SEC31B: variants seen among roughly 807,000 people sequenced by gnomAD.
The protein encoded by SEC31B is SEC31 homolog B, COPII component.
In SEC31B, 113 loss-of-function variants were observed where a neutral mutation model predicts 135.0. The ratio of observed to expected loss-of-function variants is 0.84; its 90% confidence interval spans 0.72 to 0.98. The LOEUF (loss-of-function observed/expected upper bound fraction) is 0.98, where lower values mean the gene tolerates loss of function less well. Among genes scored for constraint, SEC31B ranks in the 50% least tolerant of loss-of-function variants. SEC31B has a pLI of 0.00. For missense variants in SEC31B, 1,296 were observed against 1,421.1 expected, an observed-to-expected ratio of 0.91 and a Z score of 1.42; for synonymous variants, 508 against 549.4, an observed-to-expected ratio of 0.92 and a Z score of 1.05.
chr10:100,497,677 G>C lies in SEC31B; in HGVS notation c.1980C>G (p.Pro660=), dbSNP rs760589022. The stretch of plus-strand genomic sequence containing the variant: ...TGGGACCACACTTACCACAGAGCTC[G>C]GGAAATTTCTCTGTGCCTGAGTATG... The part of the protein sequence containing the change: ...LLTYSGTEKF[P]ELCDMLGTRM... Residue 660 remains proline (P), a synonymous_variant, in exon 16 of 26, where the codon CCC becomes CCG. Coordinates refer to ENST00000370345, the MANE Select transcript of SEC31B (RefSeq NM_015490.4). The C allele has an allele frequency of 6.2e-7, 1 of 1,614,034 alleles. No homozygotes were observed. Among genetic ancestry groups the C allele is most frequent in the Non-Finnish European group, 8.5e-7 (1 of 1,180,036 alleles).
chr10:100,487,749 A>G lies in SEC31B; in HGVS notation c.3407T>C (p.Val1136Ala), dbSNP rs1328731929. Residue 1136 changes from valine to alanine, a missense_variant, in exon 26 of 26, where the codon GTG becomes GCG. By Grantham distance (64) the Val-to-Ala change is moderately conservative (BLOSUM62 0). Coordinates refer to ENST00000370345, the MANE Select transcript of SEC31B (RefSeq NM_015490.4). The part of the protein sequence containing the change: ...VAGLHEVARC[V>A]DAGSFEQGLA... ...GCCCTGCTCAAAGCTTCCTGCATCC[A>G]CACATCGGGCAACCTCATGGAGCCC... The G allele has an allele frequency of 6.2e-7, 1 of 1,614,002 alleles. No homozygotes were observed. The highest frequency in any genetic ancestry group is 8.5e-7 in the Non-Finnish European group (1 of 1,179,978).
chr10:100,495,152 T>C, intron 19 of SEC31B: 1 of 492,408 alleles, frequency 2.0e-6, no homozygotes. Context: ...TACATATCTA[T>C]CTTTCGACTA....
intron 16 of SEC31B, 62 bp downstream of exon 16, chr10:100,497,605 G>A (rs1474976273): frequency 1.2e-6 from 2 of 1,612,002 alleles, no homozygotes; most frequent in Admixed American, 1.7e-5. Flanking sequence ...CCTCCTGCAT[G>A]CATCCTTTGA....
chr10:100,509,098 T>C lies in SEC31B; in HGVS notation c.404A>G (p.Asn135Ser), dbSNP rs143075774. 930 of 1,612,900 alleles carry C rather than the reference T, an allele frequency of 5.8e-4. 2 individuals carry two copies. The highest frequency in any genetic ancestry group is 7.7e-4 in the Non-Finnish European group (911 of 1,179,584). Residue 135 changes from asparagine to serine, a missense_variant, in exon 5 of 26, where the codon AAC (asparagine) becomes AGC (serine). By Grantham distance (46) the Asn-to-Ser change is conservative. Coordinates refer to ENST00000370345, the MANE Select transcript of SEC31B (RefSeq NM_015490.4). ...ATCGCTGGCCCCTGAAGCCAGGAGG[T>C]TGCCCTGTATGAATAAAAAGTGTTT... ...RALDLNPFQG[N>S]LLASGASDSE...
At chr10:100,488,243 A>G in intron 24 of SEC31B, 145 bp from the exon 25 acceptor site, 2 of 664,338 alleles carry the variant, frequency 3.0e-6, no homozygotes, top group Non-Finnish European at 5.3e-6. Flanking sequence ...GTGGATCATG[A>G]GGTCAGGAGA....
chr10:100,516,387 C>A (rs1381524939), intron 2 of SEC31B, among the ~76,000 whole-genome samples, 168 bp from the exon 3 acceptor site: 1 of 152,084 alleles, frequency 6.6e-6, no homozygotes, highest in Non-Finnish European at 1.5e-5. Flanking sequence ...GTGGCTCACG[C>A]CTGTAATCCC....
intron 11 of SEC31B, chr10:100,500,109 C>A: frequency 2.2e-6 from 1 of 456,672 alleles, no homozygotes; most frequent in South Asian, 1.5e-5. Context: ...AACTTACATA[C>A]CTGCCTGATG....
At chr10:100,502,180 C>T in intron 11 of SEC31B, 74 bp downstream of exon 11, 2 of 1,159,168 alleles carry the variant, frequency 1.7e-6, no homozygotes, top group South Asian at 2.7e-5. Flanking sequence ...TTGTGCTTCT[C>T]CTGCAGTTGA....
rs758518626 is a variant in SEC31B, at chr10:100,505,985, C to G, written c.1044+55G>C. ...CGCTTCTCAAGCCATATGTCTCTCT[C>G]CCACAAACAGAGACAGCCCCTTCCC... On this transcript the variant is annotated intron_variant, in intron 9 of 25. Coordinates refer to ENST00000370345, the MANE Select transcript of SEC31B (RefSeq NM_015490.4). 4 of 1,608,488 alleles carry G rather than the reference C, an allele frequency of 2.5e-6. No individual in the cohort carries two copies. In the South Asian group the frequency reaches 4.4e-5, roughly 18 times the overall value.
chr10:100,489,396 C>A lies in SEC31B; in HGVS notation c.3027G>T (p.Leu1009=). 6.2e-7 allele frequency: 1 copy of A among 1,613,468 alleles called. No homozygotes were observed. ...APRGNLQRNK[L]PETFMPPAPI... is the part of the protein sequence containing the mutation. ...GTGCTGGGGGCATAAATGTCTCTGGCAGCTAAAGAGACAGAAGGAAAGACA... is the reference window on the plus strand; with the variant it reads ...GTGCTGGGGGCATAAATGTCTCTGGAAGCTAAAGAGACAGAAGGAAAGACA... The change falls in exon 23 of 26, where the codon CTG becomes CTT. Residue 1009 remains leucine (L), a splice_region_variant and synonymous_variant. Coordinates refer to ENST00000370345, the MANE Select transcript of SEC31B (RefSeq NM_015490.4).
chr10:100,495,346 T>G lies in SEC31B; in HGVS notation c.2472+39A>C, dbSNP rs780590127. Reference sequence around the variant, plus strand: ...TGCCCAGAACCATGCTTGGCACGTATTATTGAATGAACAAATGAATGAACA... The same window carrying G: ...TGCCCAGAACCATGCTTGGCACGTAGTATTGAATGAACAAATGAATGAACA... On this transcript the variant is annotated intron_variant, in intron 19 of 25. Coordinates refer to ENST00000370345, the MANE Select transcript of SEC31B (RefSeq NM_015490.4). 1.9e-6 allele frequency: 3 copies of G among 1,580,328 alleles called. No individual in the cohort carries two copies. The African/African-American group carries it at 4.0e-5, about 21-fold the overall frequency.
intron 11 of SEC31B, chr10:100,501,807 ACTTGC>A (rs1851529521): frequency 5.7e-6 from 1 of 174,246 alleles, no homozygotes; most frequent in Non-Finnish European, 1.2e-5. Context: ...CACTCCAAGG[ACTTGC>A]CTTGGGTTAC....
intron 3 of SEC31B, 144 bp downstream of exon 3, chr10:100,515,952 T>G: frequency 1.0e-6 from 1 of 996,194 alleles, no homozygotes; most frequent in Non-Finnish European, 1.5e-6. Flanking sequence ...TTTTGCAAAA[T>G]AAGCCCAGAA....
chr10:100,488,967 T>C lies in SEC31B; in HGVS notation c.3179A>G (p.His1060Arg), dbSNP rs770220011. ...VPGELSLQLQ[H>R]LPPEKMERKE... ...CCTTTCCATCTTCTCAGGTGGCAGG[T>C]GCTGAAGCTGCTGATAAAGAAGCAG... is the stretch of plus-strand genomic sequence containing the variant. The change falls in exon 24 of 26, where the codon CAC (histidine) becomes CGC (arginine). Residue 1060 changes from histidine (H) to arginine (R), a missense_variant. Coordinates refer to ENST00000370345, the MANE Select transcript of SEC31B (RefSeq NM_015490.4). The C allele has an allele frequency of 6.3e-7, 1 of 1,599,600 alleles. No homozygotes were observed. The highest frequency in any genetic ancestry group is 1.8e-5 in the Admixed American group (1 of 56,634).
intron 10 of SEC31B, among the ~76,000 whole-genome samples, chr10:100,504,522 A>C: frequency 6.6e-6 from 1 of 152,218 alleles, no homozygotes; most frequent in Admixed American, 6.5e-5. Flanking sequence ...TCCCCAAGTG[A>C]TGTGGATGCA....
intron 4 of SEC31B, 94 bp downstream of exon 4, chr10:100,509,222 G>A (rs1255827852): frequency 2.0e-6 from 3 of 1,497,266 alleles, no homozygotes; most frequent in Non-Finnish European, 2.8e-6. Flanking sequence ...CTGGAAAGGG[G>A]TCAGAGTTAC....
chr10:100,496,057 T>G (rs543660941), intron 18 of SEC31B, among the ~76,000 whole-genome samples: 9 of 152,360 alleles, frequency 5.9e-5, no homozygotes, highest in Non-Finnish European at 1.2e-4. Context: ...ACTCCCACAG[T>G]GCTCAGTATA....
intron 1 of SEC31B, among the ~76,000 whole-genome samples, chr10:100,518,472 G>C (rs1263401550): frequency 1.3e-5 from 2 of 152,120 alleles, no homozygotes; most frequent in East Asian, 3.9e-4. Flanking sequence ...GACATTGTCA[G>C]TCTCTTCCAC....
At chr10:100,513,334 G>A (rs1412556723) in intron 3 of SEC31B, among the ~76,000 whole-genome samples, 1 of 152,202 alleles carries the variant, frequency 6.6e-6, no homozygotes, top group African/African-American at 2.4e-5. Context: ...TCCCTACAGA[G>A]TGGAGCAGGA....
Sources: allele counts gnomAD v4.1 joint callset (sites outside exome capture counted in the v4.1 genomes callset), GRCh38; gene constraint gnomAD v4.1.1; transcripts MANE v1.5; gene names NCBI Gene and HGNC (gene_info 2026-07-23, HGNC 2026-07-21).